Variants in PSMD14 observed in about 807,000 individuals in gnomAD.
The protein encoded by PSMD14 is ubiquitin C-terminal hydrolase PSMD14.
In PSMD14, 7 loss-of-function variants were observed where a neutral mutation model predicts 41.2. The ratio of observed to expected loss-of-function variants is 0.17; its 90% CI spans 0.10 to 0.32. The LOEUF (loss-of-function observed/expected upper bound fraction) is 0.32, where lower values mean the gene tolerates loss of function less well. Among genes scored for constraint, PSMD14 ranks in the 10% least tolerant of loss-of-function variants. The probability of loss-of-function intolerance (pLI) is 1.00; values close to 1 mark genes in which losing one functional copy is unlikely to be tolerated. For synonymous variants in PSMD14, 114 were observed against 122.3 expected (o/e 0.93, Z 0.45); for missense variants, 139 against 375.6 (o/e 0.37, Z 5.21).
chr2:161,374,461 C>T (rs1683478555), intron 7 of PSMD14, among the ~76,000 whole-genome samples: 1 of 151,884 alleles, frequency 6.6e-6, no homozygotes, highest in African/African-American at 2.4e-5. Flanking sequence ...CTGTAACCCT[C>T]TGCATATTGT....
At chr2:161,340,663 C>T (rs1048929407) in intron 3 of PSMD14, among the ~76,000 whole-genome samples, 1 of 152,108 alleles carries the variant, frequency 6.6e-6, no homozygotes, top group African/African-American at 2.4e-5. Flanking sequence ...GGGACAAGTC[C>T]TGATTGAGGG....
chr2:161,326,181 C>A (rs1470933651), intron 3 of PSMD14, among the ~76,000 whole-genome samples: 1 of 152,106 alleles, frequency 6.6e-6, no homozygotes, highest in African/African-American at 2.4e-5. Flanking sequence ...CAGGTGCCCA[C>A]CACCACGCCC....
chr2:161,404,439 T>C (rs1424606295), intron 10 of PSMD14, among the ~76,000 whole-genome samples: 1 of 152,174 alleles, frequency 6.6e-6, no homozygotes, highest in Non-Finnish European at 1.5e-5. Context: ...TAATATAAAC[T>C]AAAATTTAAG....
At chr2:161,328,225 T>G (rs576762256) in intron 3 of PSMD14, among the ~76,000 whole-genome samples, 1 of 152,234 alleles carries the variant, frequency 6.6e-6, no homozygotes, top group African/African-American at 2.4e-5. Context: ...AGAATATTGT[T>G]AAAGCATTGT....
At chr2:161,341,943 A>G (rs897317561) in intron 3 of PSMD14, among the ~76,000 whole-genome samples, 1 of 151,618 alleles carries the variant, frequency 6.6e-6, no homozygotes, top group African/African-American at 2.4e-5. Context: ...TCCTAACCCA[A>G]TGTCACAAAC....
At chr2:161,348,590 C>A (rs1683077156) in intron 3 of PSMD14, among the ~76,000 whole-genome samples, 1 of 152,108 alleles carries the variant, frequency 6.6e-6, no homozygotes, top group East Asian at 1.9e-4. Flanking sequence ...TGAAAAAGCA[C>A]ATGGAGGAAT....
chr2:161,327,603 A>G (rs1682718071), intron 3 of PSMD14, among the ~76,000 whole-genome samples: 1 of 152,100 alleles, frequency 6.6e-6, no homozygotes, highest in Non-Finnish European at 1.5e-5. Flanking sequence ...AAGATTCATA[A>G]TTTGACTACC....
At chr2:161,373,833 AAT>A (rs1683471044) in intron 7 of PSMD14, among the ~76,000 whole-genome samples, 1 of 151,886 alleles carries the variant, frequency 6.6e-6, no homozygotes, top group South Asian at 2.1e-4. Flanking sequence ...ATTCATTCAC[AAT>A]AGTTTGATTT....
chr2:161,317,024 T>C (rs1689155211), intron 2 of PSMD14, among the ~76,000 whole-genome samples: 1 of 152,198 alleles, frequency 6.6e-6, no homozygotes, highest in African/African-American at 2.4e-5. Context: ...TTGTTTTTTC[T>C]GTTGGTTCTT....
chr2:161,357,001 T>C (rs1174016998), intron 3 of PSMD14, among the ~76,000 whole-genome samples: 2 of 151,120 alleles, frequency 1.3e-5, no homozygotes, highest in Non-Finnish European at 2.9e-5. Context: ...CTAATAGTGT[T>C]AACAAATTTG....
At chr2:161,333,905 C>T (rs1682830548) in intron 3 of PSMD14, among the ~76,000 whole-genome samples, 1 of 152,142 alleles carries the variant, frequency 6.6e-6, no homozygotes, top group Non-Finnish European at 1.5e-5. Context: ...GTGGCATGCA[C>T]CTGTAATCAC....
At chr2:161,314,308 G>GT (rs1331554111) in intron 1 of PSMD14, among the ~76,000 whole-genome samples, 1 of 152,160 alleles carries the variant, frequency 6.6e-6, no homozygotes, top group African/African-American at 2.4e-5. Flanking sequence ...TGTTGAATAA[G>GT]TAACTGAGTA....
intron 3 of PSMD14, among the ~76,000 whole-genome samples, chr2:161,355,931 A>T (rs184952591): frequency 6.6e-6 from 1 of 152,332 alleles, no homozygotes; most frequent in East Asian, 1.9e-4. Context: ...AAAATAGGCA[A>T]ATACAAATTA....
chr2:161,326,312 A>G (rs1682698350), intron 3 of PSMD14, among the ~76,000 whole-genome samples: 1 of 152,120 alleles, frequency 6.6e-6, no homozygotes, highest in Non-Finnish European at 1.5e-5. Context: ...ATTATAGGCA[A>G]GAGCCACCAT....
At chr2:161,341,946 T>C (rs1682969491) in intron 3 of PSMD14, among the ~76,000 whole-genome samples, 1 of 151,756 alleles carries the variant, frequency 6.6e-6, no homozygotes, top group East Asian at 1.9e-4. Flanking sequence ...TAACCCAATG[T>C]CACAAACATA....
intron 9 of PSMD14, among the ~76,000 whole-genome samples, chr2:161,392,062 T>G (rs528532626): frequency 6.6e-6 from 1 of 152,320 alleles, no homozygotes; most frequent in Non-Finnish European, 1.5e-5. Flanking sequence ...TTTTGATGAA[T>G]TAGCATTCTC....
At chr2:161,369,650 T>C (rs1683406624) in intron 5 of PSMD14, among the ~76,000 whole-genome samples, 1 of 152,070 alleles carries the variant, frequency 6.6e-6, no homozygotes, top group Non-Finnish European at 1.5e-5. Context: ...TGTTCAAATA[T>C]CTTATTTTGG....
chr2:161,359,155 G>A (rs1437518251), intron 3 of PSMD14, among the ~76,000 whole-genome samples: 2 of 152,016 alleles, frequency 1.3e-5, no homozygotes, highest in Non-Finnish European at 2.9e-5. Flanking sequence ...AAAAATTTGT[G>A]GAGATGCGGT....
At chr2:161,331,293 C>T (rs191044083) in intron 3 of PSMD14, among the ~76,000 whole-genome samples, 4 of 150,758 alleles carry the variant, frequency 2.7e-5, no homozygotes, top group Non-Finnish European at 4.4e-5. Flanking sequence ...GACGGAGTCT[C>T]ACTCTGTTGC....
Sources: allele counts gnomAD v4.1 joint callset (sites outside exome capture counted in the v4.1 genomes callset), GRCh38; gene constraint gnomAD v4.1.1; transcripts MANE v1.5; gene names NCBI Gene and HGNC (gene_info 2026-07-23, HGNC 2026-07-21).